The following C7 variants were observed in gnomAD, a reference collection of about 807,000 sequenced individuals.
C7 encodes the protein complement component C7.
C7 carries 83 observed loss-of-function variants against 104.8 expected under a neutral mutation model. The ratio of observed to expected loss-of-function variants is 0.79; its 90% CI spans 0.66 to 0.95. The LOEUF is 0.95. C7 is among the 40% of genes least tolerant of loss of function. The pLI, the probability that C7 is intolerant of heterozygous loss-of-function variation, is 0.00. For missense variants in C7, 1,070 were observed against 1,011.2 expected (o/e 1.06, Z -0.79); for synonymous variants, 415 against 360.6 (o/e 1.15, Z -1.71).
At chr5:40,932,596 CA>C (rs1739720021) in intron 3 of C7, among the ~76,000 whole-genome samples, 1 of 152,054 alleles carries the variant, frequency 6.6e-6, no homozygotes, top group Non-Finnish European at 1.5e-5. Context: ...GTAGTATTTT[CA>C]AAACAAATTA....
chr5:40,938,103 C>T (rs1739855088), intron 6 of C7, among the ~76,000 whole-genome samples: 1 of 152,066 alleles, frequency 6.6e-6, no homozygotes, highest in South Asian at 2.1e-4. Context: ...GTGTGGATAA[C>T]ATATATGTGT....
In C7 at chr5:40,958,246, G is replaced by C. The variant is rs778023560; in HGVS notation, c.1474G>C (p.Val492Leu). 1 of 1,605,356 alleles carries C rather than the reference G, an allele frequency of 6.2e-7. No homozygotes were observed. The highest frequency in any genetic ancestry group is 8.5e-7 in the Non-Finnish European group (1 of 1,174,926). ...TGCGGCGTGTGAGCAAGGAGTCCTC[G>C]TAGGGAATCAAGCAGGTCAGTGGGG... ...FGAACEQGVL[V>L]GNQAGGVDGG... Residue 492 changes from valine to leucine, a missense_variant, in exon 11 of 18, where the codon GTA becomes CTA. Physicochemically the swap from Val to Leu is conservative, Grantham distance 32. Transcript: ENST00000313164.
In C7 at chr5:40,959,520, C is replaced by T. The variant is rs121964920; in HGVS notation, c.1561C>T (p.Arg521Cys). ...TGTCCAAGGGAAGAAAACAAGAAGC[C>T]GTGAATGCAATAACCCACCTCCCAG... ...PCVQGKKTRS[R>C]ECNNPPPSGG... The change falls in exon 12 of 18, where the codon CGT becomes TGT. Residue 521 changes from arginine (R) to cysteine (C), a missense_variant. Physicochemically the swap from Arg to Cys is radical, Grantham distance 180. Coordinates refer to ENST00000313164, the MANE Select transcript of C7 (RefSeq NM_000587.4). 1.7e-5 allele frequency: 27 copies of T among 1,611,414 alleles called. No homozygotes were observed. The highest frequency in any genetic ancestry group is 6.7e-5 in the African/African-American group (5 of 74,818).
At chr5:40,913,974 C>T (rs185447493) in intron 1 of C7, among the ~76,000 whole-genome samples, 57 of 152,206 alleles carry the variant, frequency 3.7e-4, no homozygotes, top group African/African-American at 1.2e-3. Flanking sequence ...TCACTGCGTC[C>T]GACCGCCCCA....
At chr5:40,976,588 T>C (rs998484677) in intron 15 of C7, 162 bp from the exon 16 acceptor site, 14 of 487,126 alleles carry the variant, frequency 2.9e-5, no homozygotes, top group Non-Finnish European at 3.7e-5. Flanking sequence ...TCTCTATAGC[T>C]TGTAAAATGT....
intron 15 of C7, 28 bp from the exon 16 acceptor site, chr5:40,976,722 C>A (rs371285246): frequency 3.3e-6 from 5 of 1,523,584 alleles, no homozygotes; most frequent in African/African-American, 1.4e-5. Flanking sequence ...TTTCTCCTAA[C>A]GACCACATCT....
intron 4 of C7, among the ~76,000 whole-genome samples, chr5:40,935,259 T>C (rs1739788401): frequency 6.6e-6 from 1 of 152,202 alleles, no homozygotes; most frequent in Non-Finnish European, 1.5e-5. Flanking sequence ...GTACCATCTG[T>C]CATTTGGATG....
intron 14 of C7, among the ~76,000 whole-genome samples, chr5:40,966,531 A>T (rs1400349560): frequency 6.6e-6 from 1 of 152,068 alleles, no homozygotes; most frequent in Non-Finnish European, 1.5e-5. Context: ...GGTGCACACC[A>T]CCATGACCGG....
rs180696534 is a variant in C7 at position 40,977,999 on chromosome 5, T to C, written c.2165+1159T>C. 5.7e-3 allele frequency among the ~76,000 whole-genome samples: 864 copies of C among 152,086 alleles called. 2 individuals are homozygous for C. The highest frequency in any genetic ancestry group is 8.4e-3 in the Non-Finnish European group (574 of 67,972). On this transcript the variant is annotated intron_variant, in intron 16 of 17. Coordinates refer to ENST00000313164, the MANE Select transcript of C7 (RefSeq NM_000587.4). ...AAATACAAAAATTAGCTGGGTGTGG[T>C]GACTCACTCTTGTAGTCCCAGCTAC...
In C7 at chr5:40,909,601, T is replaced by C. The variant is rs1313627046; in HGVS notation, c.-10T>C. 5 of 1,567,184 alleles carry C rather than the reference T, an allele frequency of 3.2e-6. No individual in the cohort carries two copies. Among genetic ancestry groups the C allele is most frequent in the Middle Eastern group, 1.7e-4 (1 of 5,926 alleles). On this transcript the variant is annotated 5_prime_UTR_variant, in exon 1 of 18. Transcript: ENST00000313164. ...TCCTCCTCTCTTCTGCCCTGAATGT[T>C]TTCCCAAACATGAAGGTAAGACAAT...
At chr5:40,960,222 G>C (rs1221719112) in intron 12 of C7, among the ~76,000 whole-genome samples, 1 of 152,060 alleles carries the variant, frequency 6.6e-6, no homozygotes, top group African/African-American at 2.4e-5. Context: ...TCATAGCCCT[G>C]GGTCAGAATT....
At chr5:40,979,620 G>T (rs1254357735) in intron 16 of C7, 105 bp from the exon 17 acceptor site, 23 of 693,506 alleles carry the variant, frequency 3.3e-5, no homozygotes, top group Non-Finnish European at 4.5e-5. Context: ...TACTGTGGGT[G>T]ATAACATCTG....
intron 1 of C7, among the ~76,000 whole-genome samples, chr5:40,922,182 C>G (rs1739452580): frequency 6.6e-6 from 1 of 151,202 alleles, no homozygotes; most frequent in South Asian, 2.1e-4. Context: ...CAAGACCAGC[C>G]TGGCCAACAT....
At chr5:40,910,997 C>A (rs1423440503) in intron 1 of C7, 2 of 151,974 alleles carry the variant, frequency 1.3e-5, no homozygotes, top group Non-Finnish European at 2.9e-5. Context: ...AATAAATATA[C>A]TTCTATCCTT....
chr5:40,936,233 G>A (rs980756492), intron 4 of C7, 105 bp from the exon 5 acceptor site: 32 of 852,542 alleles, frequency 3.8e-5, no homozygotes, highest in Middle Eastern at 2.3e-4. Context: ...TTACATTGGC[G>A]TATCAGTGCA....
intron 6 of C7, 120 bp downstream of exon 6, chr5:40,937,810 A>G: frequency 2.3e-6 from 2 of 857,876 alleles, no homozygotes; most frequent in Non-Finnish European, 3.5e-6. Context: ...CAATTTTTAT[A>G]AATGTTTTAT....
intron 9 of C7, among the ~76,000 whole-genome samples, chr5:40,951,920 G>T (rs1036431567): frequency 2.6e-5 from 4 of 152,202 alleles, no homozygotes; most frequent in African/African-American, 9.6e-5. Context: ...TATGTGCCAG[G>T]AATCGTTTTA....
At chr5:40,953,027 G>C (rs1740207430) in intron 9 of C7, among the ~76,000 whole-genome samples, 1 of 152,092 alleles carries the variant, frequency 6.6e-6, no homozygotes, top group South Asian at 2.1e-4. Flanking sequence ...GTAGGTCTTG[G>C]TGGGGACTAA....
At chr5:40,972,121 A>T (rs1021941015) in intron 14 of C7, 59 of 527,590 alleles carry the variant, frequency 1.1e-4, no homozygotes, top group Admixed American at 7.9e-4. Context: ...TAGGCTGGGC[A>T]TTAGGACTCT....
Sources: allele counts gnomAD v4.1 joint callset (sites outside exome capture counted in the v4.1 genomes callset), GRCh38; gene constraint gnomAD v4.1.1; transcripts MANE v1.5; gene names NCBI Gene and HGNC (gene_info 2026-07-23, HGNC 2026-07-21).